Variants in TMEM116 observed in about 807,000 individuals in gnomAD.
TMEM116 encodes the protein transmembrane protein 116.
TMEM116 carries 38 observed loss-of-function variants against 44.3 expected under a neutral mutation model. The ratio of observed to expected loss-of-function variants is 0.86; its 90% CI spans 0.66 to 1.12. TMEM116 has a LOEUF of 1.12. Ranked by LOEUF, TMEM116 falls within the 50% of genes most tolerant of loss-of-function variation. TMEM116 has a pLI of 0.00. For synonymous variants in TMEM116, 132 were observed against 144.8 expected (o/e 0.91, Z 0.64); for missense variants, 354 against 401.7 (o/e 0.88, Z 1.01).
intron 3 of TMEM116, among the ~76,000 whole-genome samples, chr12:112,002,473 G>A (rs1269521777): frequency 6.6e-6 from 1 of 150,790 alleles, no homozygotes; most frequent in Non-Finnish European, 1.5e-5. Flanking sequence ...GCTGAGGCAG[G>A]AGAATCACTT....
chr12:111,979,551 G>T (rs1394905564), intron 4 of TMEM116, among the ~76,000 whole-genome samples: 2 of 152,102 alleles, frequency 1.3e-5, no homozygotes, highest in African/African-American at 4.8e-5. Context: ...TAAAGCTGGT[G>T]GTTGAACAAC....
At chr12:111,999,368 C>T (rs924676439) in intron 3 of TMEM116, among the ~76,000 whole-genome samples, 3 of 152,038 alleles carry the variant, frequency 2.0e-5, no homozygotes, top group African/African-American at 2.4e-5. Flanking sequence ...GAGGCCAAGG[C>T]GGGTGGATCA....
chr12:112,013,155 G>A lies in TMEM116; in HGVS notation c.-187C>T, dbSNP rs1269751697. The A allele has an allele frequency of 2.8e-6, 1 of 351,094 alleles. No homozygotes were observed. The highest frequency in any genetic ancestry group is 5.2e-6 in the Non-Finnish European group (1 of 192,056). 21.7% of individuals were successfully genotyped at this position (351,094 alleles called of 1,614,324 possible). A position where few individuals can be genotyped will look rare whatever the true frequency, so the allele number is the denominator to read the frequency against. ...TTGGCGCTTCTCCTCAAGCGGAGCAGGAACGGAACTGGGCGGACCCGCCGG... is the reference window on the plus strand; with the variant it reads ...TTGGCGCTTCTCCTCAAGCGGAGCAAGAACGGAACTGGGCGGACCCGCCGG... On this transcript the variant is annotated 5_prime_UTR_variant, in exon 1 of 11. Transcript: ENST00000552374.
chr12:112,003,581 AAAT>A, intron 3 of TMEM116: 1 of 513,168 alleles, frequency 1.9e-6, no homozygotes, highest in Non-Finnish European at 3.1e-6. Context: ...AAAAAAAAAA[AAAT>A]AGTTAATCTC....
At chr12:111,940,544 T>TATATGTGTATATATATATATATATAC (rs1747235043) in intron 5 of TMEM116, among the ~76,000 whole-genome samples, 2 of 84,532 alleles carry the variant, frequency 2.4e-5, no homozygotes, top group Admixed American at 1.1e-4. Flanking sequence ...TATATATATA[T>TATATGTGTATATATATATATATATAC]ACACACACAC....
intron 4 of TMEM116, among the ~76,000 whole-genome samples, chr12:111,977,420 T>G (rs2075731403): frequency 6.6e-6 from 1 of 152,196 alleles, no homozygotes; most frequent in Non-Finnish European, 1.5e-5. Context: ...ATTGTTAATG[T>G]GCTAAATGCC....
In TMEM116 at chr12:111,936,691, C is replaced by A. The variant is rs756840763; in HGVS notation, c.588+1G>T. On this transcript the variant is annotated splice_donor_variant, in intron 8 of 10. Coordinates refer to ENST00000552374, the MANE Select transcript of TMEM116 (RefSeq NM_001193531.2). LOFTEE classifies it high-confidence loss of function. ...CAAAGGAAGGTAGGGTGGTACCATACCATAATGGTAAGGAGGCTGAGTACA... is the reference window on the plus strand; with the variant it reads ...CAAAGGAAGGTAGGGTGGTACCATAACATAATGGTAAGGAGGCTGAGTACA... The A allele has an allele frequency of 6.2e-7, 1 of 1,613,502 alleles. No homozygotes were observed. Among genetic ancestry groups the A allele is most frequent in the Non-Finnish European group, 8.5e-7 (1 of 1,179,750 alleles).
intron 4 of TMEM116, among the ~76,000 whole-genome samples, chr12:111,953,642 T>C (rs188007545): frequency 1.2e-4 from 19 of 152,368 alleles, no homozygotes; most frequent in African/African-American, 4.1e-4. Context: ...AACCTTGGAC[T>C]GATGCCACGC....
intron 4 of TMEM116, 149 bp from the exon 5 acceptor site, chr12:111,943,518 T>C (rs2073029059): frequency 4.8e-6 from 3 of 628,870 alleles, no homozygotes; most frequent in Non-Finnish European, 8.3e-6. Context: ...GGCAAAACCA[T>C]ACCAAGTCTG....
At chr12:111,988,253 T>G (rs1367647611) in intron 4 of TMEM116, among the ~76,000 whole-genome samples, 1 of 152,218 alleles carries the variant, frequency 6.6e-6, no homozygotes, top group Non-Finnish European at 1.5e-5. Context: ...GTGGTTATAG[T>G]TGTATAACAA....
At chr12:111,943,515 C>T (rs1413182131) in intron 4 of TMEM116, 146 bp from the exon 5 acceptor site, 1 of 635,782 alleles carries the variant, frequency 1.6e-6, no homozygotes, top group Non-Finnish European at 2.7e-6. Context: ...CCAGGCAAAA[C>T]CATACCAAGT....
chr12:111,983,351 G>A (rs1428121183), intron 4 of TMEM116, among the ~76,000 whole-genome samples: 4 of 151,936 alleles, frequency 2.6e-5, no homozygotes, highest in Admixed American at 6.6e-5. Context: ...CAGGAGAATC[G>A]CTTGAGCCTG....
intron 1 of TMEM116, chr12:112,012,461 T>C (rs2077886783): frequency 6.6e-6 from 1 of 152,232 alleles, no homozygotes; most frequent in African/African-American, 2.4e-5. Flanking sequence ...TGATTTTTAG[T>C]AGAAACGGGG....
chr12:111,941,892 G>A (rs999084361), intron 5 of TMEM116, among the ~76,000 whole-genome samples: 1 of 152,114 alleles, frequency 6.6e-6, no homozygotes, highest in Non-Finnish European at 1.5e-5. Flanking sequence ...CTTGGGGGTG[G>A]AAGGGACATT....
intron 4 of TMEM116, among the ~76,000 whole-genome samples, chr12:111,986,968 A>G (rs1358076866): frequency 6.6e-6 from 1 of 152,226 alleles, no homozygotes; most frequent in Non-Finnish European, 1.5e-5. Flanking sequence ...ATAGCGTAAA[A>G]GCTTCATAAT....
chr12:111,950,694 A>T (rs1049848212), intron 4 of TMEM116, among the ~76,000 whole-genome samples: 1 of 152,188 alleles, frequency 6.6e-6, no homozygotes, highest in Non-Finnish European at 1.5e-5. Flanking sequence ...AGATGGATTA[A>T]AGACTTAAAT....
intron 4 of TMEM116, among the ~76,000 whole-genome samples, chr12:111,949,584 T>C (rs2073555345): frequency 6.6e-6 from 1 of 152,234 alleles, no homozygotes; most frequent in Non-Finnish European, 1.5e-5. Context: ...ACAAACAATT[T>C]AGTCTTACTC....
At chr12:111,972,551 G>T (rs995495576) in intron 4 of TMEM116, among the ~76,000 whole-genome samples, 1 of 152,156 alleles carries the variant, frequency 6.6e-6, no homozygotes, top group African/African-American at 2.4e-5. Flanking sequence ...AATGCATACA[G>T]AACATCTACC....
chr12:111,985,277 T>TACACAC lies in TMEM116; in HGVS notation c.210+6475_210+6480dup, dbSNP rs34447209. On this transcript the variant is annotated intron_variant, in intron 4 of 10. Coordinates refer to ENST00000552374, the MANE Select transcript of TMEM116 (RefSeq NM_001193531.2). ...CTTATATGTAGAAAACTCTAAAGAT[T>TACACAC]ACACACACACACACACACACACACG... is the stretch of plus-strand genomic sequence containing the variant. Among the ~76,000 whole-genome samples, 27 of 149,074 alleles carry TACACAC rather than the reference T, an allele frequency of 1.8e-4. No individual in the cohort carries two copies. The East Asian group carries it at 2.0e-3, about 11-fold the overall frequency.
Sources: allele counts gnomAD v4.1 joint callset (sites outside exome capture counted in the v4.1 genomes callset), GRCh38; gene constraint gnomAD v4.1.1; transcripts MANE v1.5; gene names NCBI Gene and HGNC (gene_info 2026-07-23, HGNC 2026-07-21).